PLXND1: variants seen among roughly 807,000 people sequenced by gnomAD.
The protein encoded by PLXND1 is plexin D1, also known as plexin-D1.
Under a neutral mutation model 197.7 loss-of-function variants are expected in PLXND1, and 54 were observed. That is an observed-to-expected ratio of 0.27 (90% CI 0.22 to 0.34). PLXND1 has a LOEUF of 0.34. Among genes scored for constraint, PLXND1 ranks in the 10% least tolerant of loss-of-function variants. The pLI is 1.00. For missense variants in PLXND1, 2,127 were observed against 2,699.2 expected (o/e 0.79, Z 4.70); for synonymous variants, 1,180 against 1,161.2 (o/e 1.02, Z -0.33).
At chr3:129,586,815 C>A (rs1448881172) in intron 2 of PLXND1, 96 bp from the exon 3 acceptor site, 3 of 1,419,222 alleles carry the variant, frequency 2.1e-6, no homozygotes, top group Non-Finnish European at 2.9e-6. Flanking sequence ...CTCTGCCTCC[C>A]CATCCTGTCT....
intron 8 of PLXND1, among the ~76,000 whole-genome samples, chr3:129,579,208 G>C (rs2085354863): frequency 6.6e-6 from 1 of 152,136 alleles, no homozygotes; most frequent in South Asian, 2.1e-4. Flanking sequence ...AGGATGGAAG[G>C]GAGGGAGGGG....
chr3:129,606,389 C>T lies in PLXND1; in HGVS notation c.251G>A (p.Gly84Asp). The T allele has an allele frequency of 6.6e-7, 1 of 1,513,360 alleles. No individual in the cohort carries two copies. The allele number at this position is 1,513,360 out of a possible 1,614,324, so 93.7% of individuals were successfully genotyped here. A position where few individuals can be genotyped will look rare whatever the true frequency, so the allele number is the denominator to read the frequency against. The change falls in exon 1 of 36, where the codon GGC becomes GAC. Residue 84 changes from glycine (G) to aspartate (D), a missense_variant. Physicochemically the swap from Gly to Asp is moderately conservative, Grantham distance 94. Around this residue, in one of 6 missense-constraint regions of PLXND1, gnomAD observed 245 missense variants for 267.1 expected, o/e 0.92. Coordinates refer to ENST00000324093, the MANE Select transcript of PLXND1 (RefSeq NM_015103.3). ...CTCGGCCTCCAGGCTCAGGTTGGCG[C>T]CCGACAGCTGATAGAGGCGGTTGAC... ...AAVNRLYQLSGANLSLEAEAA... is the reference protein window; with the variant it reads ...AAVNRLYQLSDANLSLEAEAA...
In PLXND1 at chr3:129,563,251, C is replaced by T. The variant is rs747487560; in HGVS notation, c.4522-11G>A. 37 of 1,603,434 alleles carry T rather than the reference C, an allele frequency of 2.3e-5. No individual in the cohort carries two copies. Among genetic ancestry groups the T allele is most frequent in the Non-Finnish European group, 2.9e-5 (34 of 1,174,910 alleles). The stretch of plus-strand genomic sequence containing the variant: ...CTCCCCCACCGTCTCCTGAGGGGCA[C>T]GGGGGTATCAGGGCCAAGGCCCCCT... On this transcript the variant is annotated splice_polypyrimidine_tract_variant and intron_variant, in intron 25 of 35. Coordinates refer to ENST00000324093, the MANE Select transcript of PLXND1 (RefSeq NM_015103.3).
In PLXND1 at chr3:129,555,925, C is replaced by CA; in HGVS notation, c.*386dup. ...TGGATGAGGTAGAGTTTCTGGGCTGCAGCCTCCGGGCTGGCGGCCTCCTCT... is the reference window on the plus strand; with the variant it reads ...TGGATGAGGTAGAGTTTCTGGGCTGCAAGCCTCCGGGCTGGCGGCCTCCTCT... On this transcript the variant is annotated 3_prime_UTR_variant, in exon 36 of 36. Transcript: ENST00000324093. 1 of 292,342 alleles carries CA rather than the reference C, an allele frequency of 3.4e-6. No homozygotes were observed. The highest frequency in any genetic ancestry group is 6.4e-6 in the Non-Finnish European group (1 of 155,920). 18.1% of individuals were successfully genotyped at this position (292,342 alleles called of 1,614,324 possible).
Position 129,565,949 on chromosome 3 carries a change from C to T in PLXND1, c.4260G>A (p.Lys1420=). ...ISLFSSLLNN[K]HFLIVFVHAL... is the part of the protein sequence containing the mutation. The stretch of plus-strand genomic sequence containing the variant: ...CGTGGACAAAGACGATGAGGAAGTG[C>T]TTGTTGTTGAGTAGTGAGGAGAACA... The change falls in exon 24 of 36, where the codon AAG becomes AAA. Residue 1420 remains lysine (K), a synonymous_variant. Transcript: ENST00000324093. 1.2e-6 allele frequency: 2 copies of T among 1,614,144 alleles called. No individual in the cohort carries two copies. Among genetic ancestry groups the T allele is most frequent in the Non-Finnish European group, 1.7e-6 (2 of 1,179,962 alleles).
intron 32 of PLXND1, chr3:129,559,305 T>C (rs1005803226): frequency 2.2e-5 from 6 of 268,276 alleles, no homozygotes; most frequent in Non-Finnish European, 3.5e-5. Flanking sequence ...CGAGCCTCAG[T>C]GTGCTTATCT....
At chr3:129,574,306 G>C in intron 12 of PLXND1, 30 bp downstream of exon 12, 1 of 1,557,810 alleles carries the variant, frequency 6.4e-7, no homozygotes, top group Non-Finnish European at 8.7e-7. Context: ...CGGAGTGCGG[G>C]TGCCACGTGC....
At chr3:129,588,649 C>T (rs2085494609) in intron 2 of PLXND1, among the ~76,000 whole-genome samples, 1 of 152,248 alleles carries the variant, frequency 6.6e-6, no homozygotes, top group African/African-American at 2.4e-5. Flanking sequence ...TAGGCCGGGC[C>T]TGGTGCATGA....
intron 8 of PLXND1, among the ~76,000 whole-genome samples, chr3:129,579,616 A>G (rs544841023): frequency 1.7e-4 from 26 of 152,280 alleles, no homozygotes; most frequent in African/African-American, 6.0e-4. Context: ...TGAGCAGGGC[A>G]GGACTGGGGA....
chr3:129,596,377 T>G (rs980317238), intron 1 of PLXND1, among the ~76,000 whole-genome samples: 1 of 152,156 alleles, frequency 6.6e-6, no homozygotes, highest in Non-Finnish European at 1.5e-5. Flanking sequence ...GCAGCCATTG[T>G]TTAGTTAGCT....
At chr3:129,593,525 G>A (rs749889329) in intron 1 of PLXND1, among the ~76,000 whole-genome samples, 40 of 152,264 alleles carry the variant, frequency 2.6e-4, no homozygotes, top group Non-Finnish European at 2.6e-4. Flanking sequence ...TGATGGCACT[G>A]TGCTGGTCAC....
chr3:129,596,858 G>T (rs543198843), intron 1 of PLXND1, among the ~76,000 whole-genome samples: 18 of 152,282 alleles, frequency 1.2e-4, no homozygotes, highest in African/African-American at 4.3e-4. Flanking sequence ...AGAAGACAGG[G>T]CTGCTTGGAG....
At position 129,571,320 on chromosome 3, in the gene PLXND1, A is replaced by C; in HGVS notation, c.3337-17T>G. The C allele has an allele frequency of 6.2e-7, 1 of 1,606,436 alleles. No homozygotes were observed. Among genetic ancestry groups the C allele is most frequent in the Non-Finnish European group, 8.5e-7 (1 of 1,176,344 alleles). On this transcript the variant is annotated splice_polypyrimidine_tract_variant and intron_variant, in intron 17 of 35. Coordinates refer to ENST00000324093, the MANE Select transcript of PLXND1 (RefSeq NM_015103.3). Reference sequence around the variant, plus strand: ...CTTGCAGAGCTGGTGCAGGAGAGCCAGGGGCCCAGGCCGGGATGCAGGATG... The same window carrying C: ...CTTGCAGAGCTGGTGCAGGAGAGCCCGGGGCCCAGGCCGGGATGCAGGATG...
In PLXND1 at chr3:129,555,456, G is replaced by A; in HGVS notation, c.*856C>T. 1 of 675,504 alleles carries A rather than the reference G, an allele frequency of 1.5e-6. No homozygotes were observed. Among genetic ancestry groups the A allele is most frequent in the Admixed American group, 2.4e-5 (1 of 42,212 alleles). 41.8% of individuals were successfully genotyped at this position (675,504 alleles called of 1,614,324 possible). ...AACAGTCATTTCCAGTGTTGCATGG[G>A]GAGCCTCTCGGGACCCCTCCCCGGG... On this transcript the variant is annotated 3_prime_UTR_variant, in exon 36 of 36. Transcript: ENST00000324093.
At chr3:129,594,266 CCA>C (rs2085588601) in intron 1 of PLXND1, among the ~76,000 whole-genome samples, 1 of 152,166 alleles carries the variant, frequency 6.6e-6, no homozygotes, top group Admixed American at 6.5e-5. Context: ...GGTTTCCTTG[CCA>C]CAGAGCTGAA....
intron 1 of PLXND1, among the ~76,000 whole-genome samples, chr3:129,598,383 T>A (rs2080292911): frequency 1.3e-5 from 2 of 151,952 alleles, no homozygotes; most frequent in African/African-American, 2.4e-5. Flanking sequence ...CCAATTTGTC[T>A]CTCTTGGGGG....
At chr3:129,575,384 A>G in intron 11 of PLXND1, 85 bp downstream of exon 11, 1 of 812,416 alleles carries the variant, frequency 1.2e-6, no homozygotes, top group Non-Finnish European at 2.1e-6. Context: ...GCTTTGGGGC[A>G]ACCACTGGAA....
chr3:129,587,023 G>C (rs2085471710), intron 2 of PLXND1, among the ~76,000 whole-genome samples: 1 of 152,200 alleles, frequency 6.6e-6, no homozygotes, highest in African/African-American at 2.4e-5. Flanking sequence ...CCATGGCTAA[G>C]GGCAGGGGCT....
At chr3:129,575,736 C>A (rs773325175) in intron 10 of PLXND1, 30 bp downstream of exon 10, 2 of 1,519,904 alleles carry the variant, frequency 1.3e-6, no homozygotes, top group Non-Finnish European at 1.8e-6. Context: ...CAGGCCCGCC[C>A]TCCGCCCATG....
Sources: gnomAD v4.1 joint callset for allele counts (sites outside exome capture counted in the v4.1 genomes callset) on GRCh38, gnomAD v4.1.1 for gene constraint, gnomAD v4.1.1 regional missense constraint, MANE v1.5 for transcripts, NCBI Gene and HGNC (gene_info 2026-07-23, HGNC 2026-07-21) for gene names.